The following SEMA4D variants were observed in gnomAD, a reference collection of about 807,000 sequenced individuals.
SEMA4D encodes the protein semaphorin 4D.
SEMA4D carries 22 observed loss-of-function variants against 74.8 expected under a neutral mutation model. The observed-to-expected ratio is 0.29, with a 90% CI of 0.21 to 0.42. The LOEUF is 0.42. Ranked by LOEUF, SEMA4D falls within the 10% of genes least tolerant of loss-of-function variation. The pLI is 1.00. For missense variants in SEMA4D, 937 were observed against 1,118.4 expected (o/e 0.84, Z 2.31); for synonymous variants, 445 against 463.7 (o/e 0.96, Z 0.52).
chr9:89,408,258 T>C (rs1009936299), intron 2 of SEMA4D, among the ~76,000 whole-genome samples: 1 of 152,206 alleles, frequency 6.6e-6, no homozygotes, highest in Non-Finnish European at 1.5e-5. Flanking sequence ...AACAAACAAG[T>C]CCTGGCCCCA....
Position 89,387,467 on chromosome 9 carries a change from C to T in SEMA4D, c.1249G>A (p.Asp417Asn). The stretch of plus-strand genomic sequence containing the variant: ...ACCACGATCTGGGTGTAGTTCACAT[C>T]TTTCTTGATTAACCTGGGCCTGTTG... ...IDNRPRLIKK[D>N]VNYTQIVVDR... Residue 417 changes from aspartate (D) to asparagine (N), a missense_variant, in exon 12 of 16, where the codon GAT becomes AAT. Physicochemically the swap from Asp to Asn is conservative, Grantham distance 23. Coordinates refer to ENST00000422704, the MANE Select transcript of SEMA4D (RefSeq NM_001371194.2). 6.2e-7 allele frequency: 1 copy of T among 1,614,246 alleles called. No individual in the cohort carries two copies. The highest frequency in any genetic ancestry group is 8.5e-7 in the Non-Finnish European group (1 of 1,180,042).
chr9:89,475,539 C>G (rs1861535399), intron 1 of SEMA4D, among the ~76,000 whole-genome samples: 2 of 152,202 alleles, frequency 1.3e-5, no homozygotes, highest in South Asian at 4.1e-4. Context: ...TTCATTCACT[C>G]CAACACTGCA....
chr9:89,379,934 G>A (rs764566100), intron 15 of SEMA4D, among the ~76,000 whole-genome samples: 1 of 152,268 alleles, frequency 6.6e-6, no homozygotes, highest in Non-Finnish European at 1.5e-5. Context: ...TGTGCCTAGT[G>A]TCAGCTCTTT....
intron 1 of SEMA4D, among the ~76,000 whole-genome samples, chr9:89,471,578 A>G (rs1274605185): frequency 1.3e-5 from 2 of 152,200 alleles, no homozygotes; most frequent in Admixed American, 1.3e-4. Context: ...GCTCAGGTGC[A>G]TGCCGGCTCA....
In SEMA4D at chr9:89,388,733, A is replaced by T. The variant is rs1312714372; in HGVS notation, c.1010T>A (p.Phe337Tyr). ...GCTCTGCATGTACTTCCCGTGGGAG[A>T]AGACCTCCTCGGCTGTGGACAGGTT... ...AYNLSTAEEV[F>Y]SHGKYMQSTT... The change falls in exon 11 of 16, where the codon TTC (phenylalanine) becomes TAC (tyrosine). Residue 337 changes from phenylalanine (F) to tyrosine (Y), a missense_variant. Coordinates refer to ENST00000422704, the MANE Select transcript of SEMA4D (RefSeq NM_001371194.2). The T allele has an allele frequency of 5.6e-6, 9 of 1,610,862 alleles. No homozygotes were observed. The highest frequency in any genetic ancestry group is 7.6e-6 in the Non-Finnish European group (9 of 1,179,188).
At chr9:89,495,786 C>G (rs1052365952) in intron 1 of SEMA4D, among the ~76,000 whole-genome samples, 1 of 152,160 alleles carries the variant, frequency 6.6e-6, no homozygotes, top group Non-Finnish European at 1.5e-5. Flanking sequence ...TGCAACCACC[C>G]TCCTGGACCC....
intron 2 of SEMA4D, among the ~76,000 whole-genome samples, chr9:89,413,439 T>C (rs1844965169): frequency 6.6e-6 from 1 of 152,266 alleles, no homozygotes; most frequent in South Asian, 2.1e-4. Flanking sequence ...TATATATATG[T>C]GGACACATGT....
chr9:89,450,682 A>AGGCCTCC, intron 2 of SEMA4D: 1 of 824,848 alleles, frequency 1.2e-6, no homozygotes, highest in Non-Finnish European at 1.9e-6. Context: ...AAAAAAAAAA[A>AGGCCTCC]AAAAAGGCCT....
At chr9:89,363,432 A>G (rs1225019824) in exon 18 of SEMA4D, 2 of 1,612,154 alleles carry the variant, frequency 1.2e-6, no homozygotes, top group Middle Eastern at 1.7e-4. Context: ...CCACTTACCC[A>G]CGCCTTCCTC....
chr9:89,496,475 TACC>T (rs1826021354), intron 1 of SEMA4D, among the ~76,000 whole-genome samples: 1 of 152,178 alleles, frequency 6.6e-6, no homozygotes, highest in Non-Finnish European at 1.5e-5. Context: ...TCGCTGAGTG[TACC>T]ACGTACACTC....
intron 1 of SEMA4D, 128 bp from the exon 2 acceptor site, chr9:89,456,081 C>T (rs1855861108): frequency 1.3e-5 from 2 of 152,252 alleles, no homozygotes; most frequent in African/African-American, 2.4e-5. Context: ...GCAAGAGCAT[C>T]GTCCTAGAGA....
chr9:89,364,043 C>T (rs962893763), intron 16 of SEMA4D: 2 of 1,608,016 alleles, frequency 1.2e-6, no homozygotes, highest in Non-Finnish European at 1.7e-6. Context: ...TCTGCTGTCC[C>T]AGTTGGACCT....
At chr9:89,385,880 C>G in intron 13 of SEMA4D, 2 of 835,436 alleles carry the variant, frequency 2.4e-6, no homozygotes, top group East Asian at 1.2e-4. Context: ...GCCCACCCAC[C>G]CCTGCCAAGG....
intron 1 of SEMA4D, among the ~76,000 whole-genome samples, chr9:89,480,113 T>G (rs1862815968): frequency 6.6e-6 from 1 of 151,988 alleles, no homozygotes; most frequent in Admixed American, 6.6e-5. Context: ...ATACAGAGTG[T>G]CGATTGGTGC....
At chr9:89,457,287 C>G (rs1856176589) in intron 1 of SEMA4D, among the ~76,000 whole-genome samples, 1 of 152,184 alleles carries the variant, frequency 6.6e-6, no homozygotes, top group South Asian at 2.1e-4. Flanking sequence ...GCTCGGGATG[C>G]TGCTGAATCA....
chr9:89,388,948 C>T lies in SEMA4D; in HGVS notation c.874G>A (p.Val292Met), dbSNP rs1564581228. Residue 292 changes from valine (V) to methionine (M), a missense_variant, in exon 10 of 16, where the codon GTG becomes ATG. Physicochemically the swap from Val to Met is conservative, Grantham distance 21 (BLOSUM62 1). Coordinates refer to ENST00000422704, the MANE Select transcript of SEMA4D (RefSeq NM_001371194.2). ...CTGAGCACGAAGACATCCCGCAGCACATTGAAGACCAAGCCGCTGTCTGGC... is the reference window on the plus strand; with the variant it reads ...CTGAGCACGAAGACATCCCGCAGCATATTGAAGACCAAGCCGCTGTCTGGC... The part of the protein sequence containing the change: ...SRPDSGLVFN[V>M]LRDVFVLRSP... 1 of 1,614,164 alleles carries T rather than the reference C, an allele frequency of 6.2e-7. No homozygotes were observed. Among genetic ancestry groups the T allele is most frequent in the Non-Finnish European group, 8.5e-7 (1 of 1,180,032 alleles).
intron 16 of SEMA4D, among the ~76,000 whole-genome samples, chr9:89,371,289 AC>A: frequency 1.9e-5 from 1 of 52,438 alleles, no homozygotes; most frequent in Non-Finnish European, 3.6e-5. Context: ...GTGGTGTGTG[AC>A]GGTGTGTGTG....
At chr9:89,486,355 G>A (rs1380512810) in intron 1 of SEMA4D, among the ~76,000 whole-genome samples, 3 of 152,106 alleles carry the variant, frequency 2.0e-5, no homozygotes, top group Non-Finnish European at 2.9e-5. Context: ...GGCACAAGAC[G>A]GAATTTTTGG....
At chr9:89,456,965 A>T (rs1292261676) in intron 1 of SEMA4D, among the ~76,000 whole-genome samples, 1 of 152,162 alleles carries the variant, frequency 6.6e-6, no homozygotes, top group East Asian at 1.9e-4. Flanking sequence ...ACATGAATCA[A>T]CACTCTGAGA....
Sources: gnomAD v4.1 joint callset for allele counts (sites outside exome capture counted in the v4.1 genomes callset) on GRCh38, gnomAD v4.1.1 for gene constraint, MANE v1.5 for transcripts, NCBI Gene and HGNC (gene_info 2026-07-23, HGNC 2026-07-21) for gene names.